CTIF: variants seen among roughly 807,000 people sequenced by gnomAD.
CTIF encodes the protein CBP80/20-dependent translation initiation factor.
CTIF carries 21 observed loss-of-function variants against 66.0 expected under a neutral mutation model. That is an observed-to-expected ratio of 0.32 (90% confidence interval 0.23 to 0.46). CTIF has a LOEUF of 0.46. Among genes scored for constraint, CTIF ranks in the 20% least tolerant of loss-of-function variants. CTIF has a pLI of 1.00. For missense variants in CTIF, 739 were observed against 812.7 expected (o/e 0.91, Z 1.10); for synonymous variants, 345 against 326.4 (o/e 1.06, Z -0.62).
intron 8 of CTIF, 89 bp downstream of exon 8, chr18:48,758,494 T>C: frequency 6.1e-6 from 9 of 1,476,496 alleles, no homozygotes; most frequent in Non-Finnish European, 8.1e-6. Flanking sequence ...GTGCAGAGCC[T>C]TGTGGGTTTG....
intron 1 of CTIF, among the ~76,000 whole-genome samples, chr18:48,613,362 C>G (rs998824549): frequency 3.3e-5 from 5 of 152,106 alleles, no homozygotes; most frequent in Admixed American, 6.5e-5. Context: ...CCGACCATCT[C>G]AGGCTGCCCC....
intron 6 of CTIF, among the ~76,000 whole-genome samples, chr18:48,682,683 CCT>C (rs1334507586): frequency 6.6e-5 from 10 of 152,130 alleles, no homozygotes; most frequent in African/African-American, 2.2e-4. Context: ...AGAATTGTGC[CCT>C]GTTTGACAAC....
intron 7 of CTIF, among the ~76,000 whole-genome samples, chr18:48,730,642 T>A (rs80344634): frequency 0.019 from 476 of 24,588 alleles, 115 homozygotes; most frequent in Non-Finnish European, 0.022. Context: ...GGGGCCCCTG[T>A]GGTGTGAGGG....
chr18:48,842,419 G>A (rs556103568), intron 10 of CTIF, among the ~76,000 whole-genome samples: 235 of 152,330 alleles, frequency 1.5e-3, no homozygotes, highest in African/African-American at 5.0e-3. Flanking sequence ...GAGGGAATAC[G>A]GGAATATATT....
At chr18:48,773,381 T>C (rs1910357420) in intron 9 of CTIF, among the ~76,000 whole-genome samples, 1 of 152,198 alleles carries the variant, frequency 6.6e-6, no homozygotes. Context: ...CTCAAAGACC[T>C]GAGCTGTGAT....
At chr18:48,766,590 G>T (rs1253729985) in intron 9 of CTIF, among the ~76,000 whole-genome samples, 1 of 152,232 alleles carries the variant, frequency 6.6e-6, no homozygotes, top group Non-Finnish European at 1.5e-5. Context: ...GTTAGCCAGG[G>T]TGGAACACCA....
intron 9 of CTIF, among the ~76,000 whole-genome samples, chr18:48,779,271 G>A (rs1253967557): frequency 6.6e-6 from 1 of 152,198 alleles, no homozygotes; most frequent in Non-Finnish European, 1.5e-5. Flanking sequence ...CATACACTGT[G>A]GGCCATAAGT....
chr18:48,761,945 C>T lies in CTIF; in HGVS notation c.1371+256C>T, dbSNP rs1909042802. Among the ~76,000 whole-genome samples the T allele has an allele frequency of 1.3e-5, 2 of 152,182 alleles. No homozygotes were observed. Among genetic ancestry groups the T allele is most frequent in the South Asian group, 4.1e-4 (2 of 4,828 alleles). On this transcript the variant is annotated intron_variant, in intron 9 of 11. Transcript: ENST00000256413. This position sits in a 1 kb window ranked among gnomAD's most constrained non-coding sequence, Gnocchi z 4.2. The stretch of plus-strand genomic sequence containing the variant: ...TATAGGTGCTTTATGTTTAACCAGC[C>T]TTTCCCACTTTCTATTTTCATAAGA...
intron 9 of CTIF, among the ~76,000 whole-genome samples, chr18:48,777,345 A>G (rs1258948130): frequency 6.6e-6 from 1 of 152,114 alleles, no homozygotes; most frequent in Non-Finnish European, 1.5e-5. Flanking sequence ...GAAGATTTAA[A>G]CTATATGATG....
At chr18:48,646,128 A>G (rs187264574) in intron 3 of CTIF, among the ~76,000 whole-genome samples, 3 of 152,342 alleles carry the variant, frequency 2.0e-5, no homozygotes, top group African/African-American at 7.2e-5. Flanking sequence ...ATGAAGAGAC[A>G]AGTTACAGAG....
At chr18:48,857,874 C>CCTAGAGAGAG (rs5824769) in intron 11 of CTIF, among the ~76,000 whole-genome samples, 3 of 151,744 alleles carry the variant, frequency 2.0e-5, no homozygotes, top group African/African-American at 7.3e-5. Context: ...GAAGTGATTC[C>CCTAGAGAGAG]CAGTGGCATT....
At chr18:48,615,673 G>A (rs2090386280) in intron 1 of CTIF, among the ~76,000 whole-genome samples, 1 of 152,246 alleles carries the variant, frequency 6.6e-6, no homozygotes, top group Admixed American at 6.5e-5. Flanking sequence ...ATTGAGGGCA[G>A]CCGCATGGGG....
At chr18:48,678,592 T>G in intron 6 of CTIF, among the ~76,000 whole-genome samples, 1 of 20,380 alleles carries the variant, frequency 4.9e-5, no homozygotes, top group South Asian at 1.4e-3. Context: ...TTTGTGAGTC[T>G]TTTTTTTTTT....
Position 48,713,474 on chromosome 18 carries a change from G to GT in CTIF, c.584+1780dup, listed in dbSNP as rs555022328. ...GAAAGCAGCAGCGTGACCCAGGGAT[G>GT]TAGGAAGAGGAGCGCGGCATGCAAC... On this transcript the variant is annotated intron_variant, in intron 7 of 11. Transcript: ENST00000256413. 1.2e-3 allele frequency among the ~76,000 whole-genome samples: 183 copies of GT among 152,308 alleles called. 1 individual carries two copies. The highest frequency in any genetic ancestry group is 4.0e-3 in the African/African-American group (166 of 41,576).
At chr18:48,813,627 AGCAG>A (rs1485874151) in intron 9 of CTIF, among the ~76,000 whole-genome samples, 4 of 152,264 alleles carry the variant, frequency 2.6e-5, no homozygotes, top group Non-Finnish European at 4.4e-5. Flanking sequence ...TCCAATATTT[AGCAG>A]GCATTCAATC....
chr18:48,776,429 G>A (rs116193678), intron 9 of CTIF, among the ~76,000 whole-genome samples: 6,005 of 152,352 alleles, frequency 0.039, 148 homozygotes, highest in Middle Eastern at 0.068. Context: ...AGGCTGCCAT[G>A]GGGCGGGTCT....
At chr18:48,849,053 C>T (rs940337422) in intron 10 of CTIF, among the ~76,000 whole-genome samples, 2 of 152,172 alleles carry the variant, frequency 1.3e-5, no homozygotes, top group African/African-American at 4.8e-5. Flanking sequence ...GTGGGCTGCT[C>T]CTCCCCCGAC....
At position 48,857,544 on chromosome 18, in the gene CTIF, G is replaced by A. The variant is rs2069358397; in HGVS notation, c.1528-44G>A. ...CAGGGAGCTACAGGGCCCAGTAGCC[G>A]GCATGTCTCCTTCAGTGGTGCTCTC... On this transcript the variant is annotated intron_variant, in intron 10 of 11. Coordinates refer to ENST00000256413, the MANE Select transcript of CTIF (RefSeq NM_014772.3). 3.8e-6 allele frequency: 6 copies of A among 1,570,200 alleles called. No homozygotes were observed. The African/African-American group carries it at 4.1e-5, about 11-fold the overall frequency.
chr18:48,621,577 G>T, intron 2 of CTIF: 1 of 390,052 alleles, frequency 2.6e-6, no homozygotes. Flanking sequence ...GCTGCTCCTG[G>T]AGCCCAGGAG....
Sources: allele counts gnomAD v4.1 joint callset (sites outside exome capture counted in the v4.1 genomes callset), GRCh38; gene constraint gnomAD v4.1.1; non-coding constraint Gnocchi (gnomAD v3.1); transcripts MANE v1.5; gene names NCBI Gene and HGNC (gene_info 2026-07-23, HGNC 2026-07-21).